UFM1: variants seen among roughly 807,000 people sequenced by gnomAD.
UFM1 encodes the protein ubiquitin fold modifier 1.
UFM1 carries 9 observed loss-of-function variants against 15.4 expected under a neutral mutation model. That is an observed-to-expected ratio of 0.59 (90% CI 0.35 to 1.02). UFM1 has a LOEUF of 1.02. UFM1 is among the 50% of genes least tolerant of loss of function. The pLI, the probability that UFM1 is intolerant of heterozygous loss-of-function variation, is 0.02. For synonymous variants in UFM1, 27 were observed against 36.3 expected (o/e 0.74, Z 0.92); for missense variants, 98 against 104.7 (o/e 0.94, Z 0.28).
Position 38,360,739 on chromosome 13 carries a change from A to G in UFM1, c.219A>G (p.Glu73=). 6.2e-7 allele frequency: 1 copy of G among 1,609,010 alleles called. No individual in the cohort carries two copies. The highest frequency in any genetic ancestry group is 8.5e-7 in the Non-Finnish European group (1 of 1,178,098). Residue 73 remains glutamate, a synonymous_variant, in exon 6 of 6, where the codon GAA becomes GAG. Coordinates refer to ENST00000239878, the MANE Select transcript of UFM1 (RefSeq NM_016617.4). The part of the protein sequence containing the change: ...AGNVFLKHGS[E]LRIIPRDRVG... ...ATGTTTTTCTAAAACATGGTTCAGA[A>G]CTGCGGATTATTCCTAGAGATCGTG... is the stretch of plus-strand genomic sequence containing the variant.
chr13:38,350,081 T>A, intron 2 of UFM1, 26 bp downstream of exon 2: 1 of 1,614,232 alleles, frequency 6.2e-7, no homozygotes, highest in Non-Finnish European at 8.5e-7. Context: ...GAGATGGGCC[T>A]TTTGGGGCCG....
At position 38,349,909 on chromosome 13, in the gene UFM1, C is replaced by T. The variant is rs1241436854; in HGVS notation, c.-11C>T. The T allele has an allele frequency of 7.4e-6, 12 of 1,614,002 alleles. No homozygotes were observed. Among genetic ancestry groups the T allele is most frequent in the Non-Finnish European group, 9.3e-6 (11 of 1,180,036 alleles). On this transcript the variant is annotated 5_prime_UTR_variant, in exon 1 of 6. Transcript: ENST00000239878. ...AGTTGTCGTGTGTTCTGGATTCATT[C>T]CGGCACCACCATGTAAGTGTTTGCT...
intron 5 of UFM1, 25 bp from the exon 6 acceptor site, chr13:38,360,686 C>T: frequency 3.2e-6 from 5 of 1,544,286 alleles, no homozygotes; most frequent in Non-Finnish European, 4.4e-6. Context: ...AGATATCTAA[C>T]TTTATGTTTT....
At chr13:38,351,878 A>G (rs962279612) in intron 2 of UFM1, among the ~76,000 whole-genome samples, 1 of 152,046 alleles carries the variant, frequency 6.6e-6, no homozygotes, top group Non-Finnish European at 1.5e-5. Flanking sequence ...TGTGTGTGGA[A>G]AATTCACATA....
At position 38,360,263 on chromosome 13, in the gene UFM1, C is replaced by G. The variant is rs556279085; in HGVS notation, c.191-448C>G. On this transcript the variant is annotated intron_variant, in intron 5 of 5. Transcript: ENST00000239878. ...ACAGTAGTTTGAATTACTGCTAACTCTAACATACTGCTTGTTTTATTATCT... is the reference window on the plus strand; with the variant it reads ...ACAGTAGTTTGAATTACTGCTAACTGTAACATACTGCTTGTTTTATTATCT... Among the ~76,000 whole-genome samples the G allele has an allele frequency of 4.3e-4, 66 of 152,058 alleles. No individual in the cohort carries two copies. In the South Asian group the frequency reaches 0.013, roughly 31 times the overall value.
intron 3 of UFM1, 73 bp downstream of exon 3, chr13:38,354,369 C>T: frequency 7.3e-7 from 1 of 1,373,024 alleles, no homozygotes. Context: ...TTAAGAGTTG[C>T]ATGCACTTTG....
rs1593299775 is a variant in UFM1, at chr13:38,360,858, T to C, written c.*80T>C. ...GTTGTTGTAAAATTGAAATCAGGCATTTAACATACTATGAAAACACCAGGA... is the reference window on the plus strand; with the variant it reads ...GTTGTTGTAAAATTGAAATCAGGCACTTAACATACTATGAAAACACCAGGA... On this transcript the variant is annotated 3_prime_UTR_variant, in exon 6 of 6. Transcript: ENST00000239878. The C allele has an allele frequency of 8.4e-7, 1 of 1,194,604 alleles. No homozygotes were observed. The highest frequency in any genetic ancestry group is 2.4e-5 in the East Asian group (1 of 42,206). The allele number at this position is 1,194,604 out of a possible 1,614,324, so 74.0% of individuals were successfully genotyped here. A position where few individuals can be genotyped will look rare whatever the true frequency, so the allele number is the denominator to read the frequency against.
chr13:38,357,617 CTTT>C (rs1289199601), intron 3 of UFM1, among the ~76,000 whole-genome samples: 1 of 151,454 alleles, frequency 6.6e-6, no homozygotes, highest in Non-Finnish European at 1.5e-5. Flanking sequence ...CTGCATAAAA[CTTT>C]TTTATTTCTC....
intron 3 of UFM1, among the ~76,000 whole-genome samples, chr13:38,357,435 T>C (rs1378979169): frequency 1.3e-5 from 2 of 151,902 alleles, no homozygotes; most frequent in Non-Finnish European, 2.9e-5. Flanking sequence ...TTTTCATTTT[T>C]GTAATGTATA....
At chr13:38,353,492 T>C (rs1005875775) in intron 2 of UFM1, among the ~76,000 whole-genome samples, 1 of 152,138 alleles carries the variant, frequency 6.6e-6, no homozygotes, top group Non-Finnish European at 1.5e-5. Context: ...TTTTGATTTT[T>C]TTTATTGGAA....
At position 38,350,005 on chromosome 13, in the gene UFM1, G is replaced by T. The variant is rs759243065; in HGVS notation, c.9G>T (p.Lys3Asn). 3 of 1,614,106 alleles carry T rather than the reference G, an allele frequency of 1.9e-6. No homozygotes were observed. In the African/African-American group the frequency reaches 4.0e-5, roughly 22 times the overall value. Residue 3 changes from lysine to asparagine, a missense_variant, in exon 2 of 6, where the codon AAG (lysine) becomes AAT (asparagine). Physicochemically the swap from Lys to Asn is moderately conservative, Grantham distance 94. Transcript: ENST00000239878. ...CTCCCGCTCTTTTCCTCAGGTCGAA[G>T]GTTTCCTTTAAGATCACGCTGACGT... MS[K>N]VSFKITLTSD...
intron 3 of UFM1, 77 bp downstream of exon 3, chr13:38,354,373 C>T (rs1593296421): frequency 7.9e-7 from 1 of 1,265,930 alleles, no homozygotes; most frequent in Non-Finnish European, 1.1e-6. Context: ...GAGTTGCATG[C>T]ACTTTGACCC....
chr13:38,356,979 C>T (rs1230408976), intron 3 of UFM1, among the ~76,000 whole-genome samples: 1 of 151,892 alleles, frequency 6.6e-6, no homozygotes, highest in Non-Finnish European at 1.5e-5. Context: ...TACCTTTTAG[C>T]TACCAATAAA....
chr13:38,353,487 A>AT (rs1230550086), intron 2 of UFM1, among the ~76,000 whole-genome samples: 3 of 151,550 alleles, frequency 2.0e-5, no homozygotes, highest in South Asian at 4.2e-4. Flanking sequence ...TTCTGTTTTG[A>AT]TTTTTTTTAT....
chr13:38,350,114 G>C, intron 2 of UFM1, 59 bp downstream of exon 2: 1 of 1,614,218 alleles, frequency 6.2e-7, no homozygotes, highest in Non-Finnish European at 8.5e-7. Flanking sequence ...CTGGGTTGGG[G>C]ATGATCCGAG....
At chr13:38,354,386 C>CATTT in intron 3 of UFM1, 90 bp downstream of exon 3, 1 of 1,115,718 alleles carries the variant, frequency 9.0e-7, no homozygotes, top group South Asian at 1.6e-5. Context: ...TTTGACCCAT[C>CATTT]ATTTCCATGT....
At position 38,359,309 on chromosome 13, in the gene UFM1, G is replaced by C; in HGVS notation, c.166G>C (p.Gly56Arg). Reference protein sequence around the residue: ...TSAIITNDGIGINPAQTAGNV... With the variant: ...TSAIITNDGIRINPAQTAGNV... ...TACAACTTATTTTCTAGATGGAATA[G>C]GAATAAATCCTGCACAGACTGCTGG... Residue 56 changes from glycine to arginine, a missense_variant, in exon 5 of 6, where the codon GGA becomes CGA. Physicochemically the swap from Gly to Arg is moderately radical, Grantham distance 125. Transcript: ENST00000239878. 6.2e-7 allele frequency: 1 copy of C among 1,610,480 alleles called. No individual in the cohort carries two copies. The highest frequency in any genetic ancestry group is 8.5e-7 in the Non-Finnish European group (1 of 1,177,806).
chr13:38,358,260 C>G (rs564552084), intron 4 of UFM1, 128 bp downstream of exon 4: 3 of 449,464 alleles, frequency 6.7e-6, no homozygotes, highest in Non-Finnish European at 7.7e-6. Context: ...GATATACTTA[C>G]TGGTAAACAC....
chr13:38,350,193 C>T, intron 2 of UFM1, 138 bp downstream of exon 2: 1 of 1,613,440 alleles, frequency 6.2e-7, no homozygotes. Flanking sequence ...TCGCGCCCTT[C>T]CAGGAGCCTT....
Sources: gnomAD v4.1 joint callset for allele counts (sites outside exome capture counted in the v4.1 genomes callset) on GRCh38, gnomAD v4.1.1 for gene constraint, MANE v1.5 for transcripts, NCBI Gene and HGNC (gene_info 2026-07-23, HGNC 2026-07-21) for gene names.